The following FAT4 variants were observed in gnomAD, a reference collection of about 807,000 sequenced individuals.
The protein encoded by FAT4 is FAT atypical cadherin 4.
Under a neutral mutation model 303.9 loss-of-function variants are expected in FAT4, and 84 were observed. The observed-to-expected ratio is 0.28, with a 90% CI of 0.23 to 0.33. The LOEUF is 0.33. Ranked by LOEUF, FAT4 falls within the 10% of genes least tolerant of loss-of-function variation. FAT4 has a pLI of 1.00. For synonymous variants in FAT4, 2,307 were observed against 2,298.8 expected, an observed-to-expected ratio of 1.00 and a Z score of -0.10; for missense variants, 6,005 against 6,146.8, an observed-to-expected ratio of 0.98 and a Z score of 0.77.
Position 125,317,463 on chromosome 4 carries a change from C to G in FAT4, c.1052C>G (p.Pro351Arg), listed in dbSNP as rs1730665106. 6.2e-7 allele frequency: 1 copy of G among 1,613,564 alleles called. No homozygotes were observed. Among genetic ancestry groups the G allele is most frequent in the African/African-American group, 1.3e-5 (1 of 74,952 alleles). ...CTGCTGGACGTGAATGACAATGACC[C>G]GGTAGTGAAGTTCCGCTACTTCCCG... The part of the protein sequence containing the change: ...IQLLDVNDND[P>R]VVKFRYFPAT... The change falls in exon 2 of 18, where the codon CCG (proline) becomes CGG (arginine). Residue 351 changes from proline to arginine, a missense_variant. Pro to Arg is a moderately radical substitution (Grantham distance 103). Coordinates refer to ENST00000394329, the MANE Select transcript of FAT4 (RefSeq NM_001291303.3). The surrounding 1 kb of genome is among the most constrained non-coding windows in gnomAD (Gnocchi z 7.0).
chr4:125,383,586 C>A (rs1733619761), intron 2 of FAT4, among the ~76,000 whole-genome samples: 1 of 152,146 alleles, frequency 6.6e-6, no homozygotes, highest in South Asian at 2.1e-4. Flanking sequence ...ACAAAGGGAG[C>A]ACATGCTACT....
chr4:125,430,386 A>G (rs952133767), intron 7 of FAT4, among the ~76,000 whole-genome samples: 5 of 152,062 alleles, frequency 3.3e-5, no homozygotes, highest in African/African-American at 9.7e-5. Flanking sequence ...GCTGATTTGG[A>G]GGTTATGCTA....
At chr4:125,387,305 G>A (rs565649621) in intron 2 of FAT4, among the ~76,000 whole-genome samples, 29 of 152,278 alleles carry the variant, frequency 1.9e-4, no homozygotes, top group South Asian at 6.2e-4. Context: ...TGTGAAATGA[G>A]GAAGAGTGAT....
rs754535112 is a variant in FAT4, at chr4:125,452,538, A to C, written c.11528A>C (p.Glu3843Ala). The stretch of plus-strand genomic sequence containing the variant: ...CTTCCAGTCATCATCGTGGCAAATG[A>C]ACCTCTGCAGCCTTTCTTATGCAAG... ...ESLPVIIVANEPLQPFLCKCL... is the reference protein window; with the variant it reads ...ESLPVIIVANAPLQPFLCKCL... Residue 3843 changes from glutamate (E) to alanine (A), a missense_variant, in exon 10 of 18, where the codon GAA becomes GCA. Coordinates refer to ENST00000394329, the MANE Select transcript of FAT4 (RefSeq NM_001291303.3). 1.9e-6 allele frequency: 3 copies of C among 1,614,026 alleles called. No individual in the cohort carries two copies. In the South Asian group the frequency reaches 3.3e-5, roughly 18 times the overall value.
In FAT4 at chr4:125,450,438, C is replaced by A; in HGVS notation, c.9428C>A (p.Ser3143Tyr). ...GAAGAAGGCATTTTTGCAATCAATT[C>A]TTCTACAGGTATATTAACACTAGCC... ...GNEEGIFAINSSTGILTLAKA... is the reference protein window; with the variant it reads ...GNEEGIFAINYSTGILTLAKA... Residue 3143 changes from serine (S) to tyrosine (Y), a missense_variant, in exon 10 of 18, where the codon TCT (serine) becomes TAT (tyrosine). By Grantham distance (144) the Ser-to-Tyr change is moderately radical (BLOSUM62 -2). Transcript: ENST00000394329. The A allele has an allele frequency of 6.2e-7, 1 of 1,614,050 alleles. No individual in the cohort carries two copies. The highest frequency in any genetic ancestry group is 8.5e-7 in the Non-Finnish European group (1 of 1,179,986).
At chr4:125,394,147 C>G (rs150376315) in intron 2 of FAT4, 1 of 524,982 alleles carries the variant, frequency 1.9e-6, no homozygotes, top group Non-Finnish European at 3.4e-6. Context: ...CTTATCTTAA[C>G]GGGATCATGA....
chr4:125,422,721 A>G (rs1484198482), intron 7 of FAT4, among the ~76,000 whole-genome samples: 1 of 152,138 alleles, frequency 6.6e-6, no homozygotes, highest in Non-Finnish European at 1.5e-5. Context: ...GATATCAGAG[A>G]GAGTAGGGCA....
rs72914931 is a variant in FAT4, at chr4:125,419,138, A to G, written c.7018+2516A>G. Among the ~76,000 whole-genome samples the G allele has an allele frequency of 9.2e-3, 1,398 of 152,302 alleles. 27 individuals carry two copies. The highest frequency in any genetic ancestry group is 0.032 in the African/African-American group (1,325 of 41,548). On this transcript the variant is annotated intron_variant, in intron 7 of 17. Transcript: ENST00000394329. ...TTTGTATCTATGATTGGAAATACTAATATCTATATGAAAGTTTATTGATCA... is the reference window on the plus strand; with the variant it reads ...TTTGTATCTATGATTGGAAATACTAGTATCTATATGAAAGTTTATTGATCA...
intron 2 of FAT4, among the ~76,000 whole-genome samples, chr4:125,372,028 A>T (rs549085607): frequency 1.3e-5 from 2 of 152,180 alleles, no homozygotes; most frequent in South Asian, 4.1e-4. Flanking sequence ...AACGAAATGG[A>T]TGACAGTAAA....
chr4:125,484,854 G>T (rs1218516587), intron 16 of FAT4, among the ~76,000 whole-genome samples: 3 of 151,874 alleles, frequency 2.0e-5, no homozygotes, highest in African/African-American at 7.3e-5. Context: ...TTTTTGGGGG[G>T]ATGGGGGACA....
intron 2 of FAT4, among the ~76,000 whole-genome samples, chr4:125,371,646 A>T (rs1245694188): frequency 6.6e-6 from 1 of 151,740 alleles, no homozygotes; most frequent in Admixed American, 6.6e-5. Context: ...AGGGGATAAG[A>T]TAAAAAGTGG....
chr4:125,334,106 G>C (rs1731484857), intron 2 of FAT4, among the ~76,000 whole-genome samples: 2 of 152,000 alleles, frequency 1.3e-5, no homozygotes, highest in South Asian at 4.1e-4. Context: ...CTTACTTACT[G>C]AGTATAGTCA....
intron 2 of FAT4, among the ~76,000 whole-genome samples, chr4:125,346,159 G>C (rs1731992024): frequency 6.6e-6 from 1 of 152,068 alleles, no homozygotes; most frequent in African/African-American, 2.4e-5. Flanking sequence ...GGTCACGGTA[G>C]AGCAACCTGT....
chr4:125,428,159 A>G (rs1284784658), intron 7 of FAT4, among the ~76,000 whole-genome samples: 2 of 151,932 alleles, frequency 1.3e-5, no homozygotes, highest in African/African-American at 4.8e-5. Flanking sequence ...TTAGCCAAGT[A>G]TGGTGACACA....
chr4:125,482,138 A>G (rs763880408), intron 16 of FAT4, among the ~76,000 whole-genome samples: 1 of 152,248 alleles, frequency 6.6e-6, no homozygotes, highest in Non-Finnish European at 1.5e-5. Flanking sequence ...ATTGATATGT[A>G]TATGTCAATT....
chr4:125,318,627 A>T lies in FAT4; in HGVS notation c.2216A>T (p.Asn739Ile), dbSNP rs200512777. ...GGGGACAGGTCTCGGTTTCAGGTCA[A>T]TGCTCAGAGTGGGGTTATTTCTACA... ...SAGDRSRFQV[N>I]AQSGVISTRM... The change falls in exon 2 of 18, where the codon AAT becomes ATT. Residue 739 changes from asparagine (N) to isoleucine (I), a missense_variant. Asn to Ile is a moderately radical substitution (Grantham distance 149). Transcript: ENST00000394329. 5.6e-5 allele frequency: 91 copies of T among 1,614,076 alleles called. No individual in the cohort carries two copies. Among genetic ancestry groups the T allele is most frequent in the Non-Finnish European group, 7.4e-5 (87 of 1,180,042 alleles).
chr4:125,394,264 T>C (rs1734082129), intron 2 of FAT4, among the ~76,000 whole-genome samples: 1 of 152,208 alleles, frequency 6.6e-6, no homozygotes, highest in African/African-American at 2.4e-5. Flanking sequence ...TTGTTTTTAT[T>C]CAAAATGTAG....
chr4:125,466,132 A>C (rs1321900245), intron 11 of FAT4, among the ~76,000 whole-genome samples: 1 of 152,186 alleles, frequency 6.6e-6, no homozygotes, highest in Non-Finnish European at 1.5e-5. Context: ...TAGATTTTTT[A>C]ATTTAAATTA....
intron 11 of FAT4, among the ~76,000 whole-genome samples, chr4:125,468,177 C>G (rs1285693491): frequency 3.3e-5 from 5 of 151,864 alleles, no homozygotes; most frequent in Admixed American, 6.6e-5. Context: ...AAAAAAAAAT[C>G]AATGAATTTT....
Sources: allele counts gnomAD v4.1 joint callset (sites outside exome capture counted in the v4.1 genomes callset), GRCh38; gene constraint gnomAD v4.1.1; non-coding constraint Gnocchi (gnomAD v3.1); transcripts MANE v1.5; gene names NCBI Gene and HGNC (gene_info 2026-07-23, HGNC 2026-07-21).